The following ROBO2 variants were observed in gnomAD, a reference collection of about 807,000 sequenced individuals.
The protein encoded by ROBO2 is roundabout guidance receptor 2.
A neutral mutation model predicts 160.8 loss-of-function variants in ROBO2; 53 were observed. The ratio of observed to expected loss-of-function variants is 0.33; its 90% CI spans 0.26 to 0.41. ROBO2 has a LOEUF of 0.41. Among genes scored for constraint, ROBO2 ranks in the 10% least tolerant of loss-of-function variants. The pLI, the probability that ROBO2 is intolerant of heterozygous loss-of-function variation, is 1.00. For synonymous variants in ROBO2, 664 were observed against 611.7 expected, an observed-to-expected ratio of 1.09 and a Z score of -1.26; for missense variants, 1,577 against 1,722.4, an observed-to-expected ratio of 0.92 and a Z score of 1.49.
chr3:77,429,975 A>T (rs2078610789), intron 2 of ROBO2, among the ~76,000 whole-genome samples: 1 of 152,156 alleles, frequency 6.6e-6, no homozygotes, highest in Non-Finnish European at 1.5e-5. Context: ...ATGAGGTTAG[A>T]TCAGGTGAGG....
At position 76,290,414 on chromosome 3, in the gene ROBO2, T is replaced by A. The variant is rs535346568; in HGVS notation, c.109+352812T>A. On this transcript the variant is annotated intron_variant, in intron 2 of 26. Coordinates refer to the ROBO2 transcript ENST00000487694. ...AGTTGTTTATCAGATCTATGAGCTT[T>A]TGGGCAGAGACTATGGGATTTTCTA... is the stretch of plus-strand genomic sequence containing the variant. 3.3e-5 allele frequency among the ~76,000 whole-genome samples: 5 copies of A among 152,282 alleles called. No homozygotes were observed. In the East Asian group the frequency reaches 9.7e-4, roughly 29 times the overall value.
chr3:76,099,028 T>C (rs2069572880), intron 2 of ROBO2, among the ~76,000 whole-genome samples: 1 of 152,156 alleles, frequency 6.6e-6, no homozygotes, highest in Non-Finnish European at 1.5e-5. Flanking sequence ...TAGGTGACAG[T>C]GGGCATCTAT....
At chr3:76,549,014 G>C (rs918587691) in intron 2 of ROBO2, among the ~76,000 whole-genome samples, 1 of 152,046 alleles carries the variant, frequency 6.6e-6, no homozygotes, top group Non-Finnish European at 1.5e-5. Context: ...TGTAGAGATA[G>C]AGTATCACAC....
At chr3:76,800,478 A>G (rs1314158908) in intron 2 of ROBO2, among the ~76,000 whole-genome samples, 1 of 152,208 alleles carries the variant, frequency 6.6e-6, no homozygotes, top group Non-Finnish European at 1.5e-5. Flanking sequence ...CCATCTGACA[A>G]GGGATTAATA....
intron 4 of ROBO2, among the ~76,000 whole-genome samples, chr3:77,484,972 A>G (rs2085168673): frequency 6.6e-6 from 1 of 152,086 alleles, no homozygotes; most frequent in Non-Finnish European, 1.5e-5. Flanking sequence ...CAGAAACTAT[A>G]AAATCTTCTA....
intron 2 of ROBO2, among the ~76,000 whole-genome samples, chr3:77,458,272 T>G (rs558053835): frequency 2.6e-5 from 4 of 152,192 alleles, no homozygotes; most frequent in Admixed American, 6.5e-5. Context: ...AGATTCTGTT[T>G]GTACTTGCAA....
intron 2 of ROBO2, among the ~76,000 whole-genome samples, chr3:76,535,508 G>T (rs778170624): frequency 1.3e-5 from 2 of 151,996 alleles, no homozygotes; most frequent in Non-Finnish European, 2.9e-5. Flanking sequence ...GAGGTGAGGA[G>T]ATACAAGGGG....
intron 2 of ROBO2, among the ~76,000 whole-genome samples, chr3:76,451,757 G>A (rs551642711): frequency 5.3e-5 from 8 of 152,198 alleles, no homozygotes; most frequent in South Asian, 4.1e-4. Context: ...TACTAATGTC[G>A]GAGACAGAAC....
intron 1 of ROBO2, among the ~76,000 whole-genome samples, chr3:75,917,834 T>A (rs1424165577): frequency 6.6e-6 from 1 of 152,174 alleles, no homozygotes; most frequent in Admixed American, 6.5e-5. Context: ...ATACATGTCT[T>A]CTTTTGAGAA....
intron 2 of ROBO2, among the ~76,000 whole-genome samples, chr3:77,330,382 G>A (rs1219957775): frequency 1.3e-5 from 2 of 152,178 alleles, no homozygotes; most frequent in South Asian, 2.1e-4. Flanking sequence ...GTCTGGTGTG[G>A]TGGCACATGC....
intron 2 of ROBO2, among the ~76,000 whole-genome samples, chr3:77,013,161 C>T (rs1306432446): frequency 9.9e-5 from 15 of 151,936 alleles, no homozygotes; most frequent in Admixed American, 9.8e-4. Context: ...ATGTAATTTG[C>T]AATCACAAGG....
intron 2 of ROBO2, among the ~76,000 whole-genome samples, chr3:76,145,002 C>G (rs2071831159): frequency 6.6e-6 from 1 of 151,704 alleles, no homozygotes; most frequent in African/African-American, 2.4e-5. Flanking sequence ...CTACTGTACA[C>G]TTTTATTCAA....
intron 4 of ROBO2, among the ~76,000 whole-genome samples, chr3:77,486,189 TG>T (rs2085331179): frequency 6.8e-6 from 1 of 147,470 alleles, no homozygotes. Flanking sequence ...GATGGGCATT[TG>T]GGTTGATTCC....
intron 2 of ROBO2, among the ~76,000 whole-genome samples, chr3:77,390,992 C>T (rs2074665772): frequency 6.6e-6 from 1 of 152,038 alleles, no homozygotes; most frequent in Non-Finnish European, 1.5e-5. Context: ...TCAGACCTGC[C>T]TTCATTTTAG....
intron 2 of ROBO2, among the ~76,000 whole-genome samples, chr3:77,371,280 C>A (rs1368856998): frequency 6.6e-6 from 1 of 152,154 alleles, no homozygotes; most frequent in African/African-American, 2.4e-5. Flanking sequence ...TTAACTGTTT[C>A]AATTAGTATG....
At chr3:76,433,595 TATTACTC>T (rs2076535192) in intron 2 of ROBO2, among the ~76,000 whole-genome samples, 1 of 152,232 alleles carries the variant, frequency 6.6e-6, no homozygotes, top group Admixed American at 6.5e-5. Context: ...CATTTATAGT[TATTACTC>T]ATTAAATTGT....
chr3:77,137,323 T>A (rs2076358384), intron 2 of ROBO2, among the ~76,000 whole-genome samples: 1 of 152,030 alleles, frequency 6.6e-6, no homozygotes, highest in Non-Finnish European at 1.5e-5. Context: ...ACCTCCCAGG[T>A]TCAAGGGATT....
chr3:76,268,606 A>T (rs1707238326), intron 2 of ROBO2, among the ~76,000 whole-genome samples: 1 of 152,088 alleles, frequency 6.6e-6, no homozygotes, highest in Admixed American at 6.6e-5. Context: ...ATCTCACTGG[A>T]TTAGGCTCCC....
intron 23 of ROBO2, chr3:77,634,112 C>T (rs1326074971): frequency 6.6e-6 from 1 of 152,116 alleles, no homozygotes; most frequent in East Asian, 1.9e-4. Flanking sequence ...ATTAGCTAAC[C>T]TTTTCCCAGA....
Sources: allele counts gnomAD v4.1 joint callset (sites outside exome capture counted in the v4.1 genomes callset), GRCh38; gene constraint gnomAD v4.1.1; transcripts MANE v1.5; gene names NCBI Gene and HGNC (gene_info 2026-07-23, HGNC 2026-07-21).